FRK: variants seen among roughly 807,000 people sequenced by gnomAD.
FRK encodes tyrosine-protein kinase FRK.
Under a neutral mutation model 56.4 loss-of-function variants are expected in FRK, and 51 were observed. That is an observed-to-expected ratio of 0.90 (90% CI 0.72 to 1.14). The LOEUF (loss-of-function observed/expected upper bound fraction) is 1.14. Among genes scored for constraint, FRK ranks in the 50% most tolerant of loss-of-function variants. The pLI, the probability that FRK is intolerant of heterozygous loss-of-function variation, is 0.00. For synonymous variants in FRK, 245 were observed against 217.9 expected (o/e 1.12, Z -1.10); for missense variants, 570 against 601.4 (o/e 0.95, Z 0.55).
the FRK span, among the ~76,000 whole-genome samples, chr6:116,088,317 A>T: frequency 1.3e-5 from 2 of 152,156 alleles, no homozygotes; most frequent in Non-Finnish European, 2.9e-5. Context: ...AATTTTCTGC[A>T]AATAGTAATA....
At position 115,958,696 on chromosome 6, in the gene FRK, GAAAGAAAGAAGA is replaced by G. The variant is rs1773148490; in HGVS notation, c.800-2098_800-2087del. On this transcript the variant is annotated intron_variant, in intron 4 of 7. Coordinates refer to ENST00000606080, the MANE Select transcript of FRK (RefSeq NM_002031.3). Reference sequence around the variant, plus strand: ...AGAAAGAAAGAAAGAAAGAAAGAAAGAAAGAAAGAAGAAAGAAAGAAAGAAAGAAAGAAAGAA... The same window carrying G: ...AGAAAGAAAGAAAGAAAGAAAGAAAGAAGAAAGAAAGAAAGAAAGAAAGAA... 1.0e-3 allele frequency among the ~76,000 whole-genome samples: 8 copies of G among 7,876 alleles called. 1 individual carries two copies. Among genetic ancestry groups the G allele is most frequent in the African/African-American group, 2.8e-3 (5 of 1,768 alleles). The allele number at this position is 7,876 out of a possible 152,430, so 5.2% of individuals were successfully genotyped here.
intron 2 of FRK, among the ~76,000 whole-genome samples, chr6:115,976,924 T>C (rs552614075): frequency 2.0e-5 from 3 of 152,266 alleles, no homozygotes; most frequent in African/African-American, 7.2e-5. Context: ...TATTTTCTAC[T>C]CCTTACAGAG....
chr6:115,944,396 G>T lies in FRK; in HGVS notation c.988C>A (p.Gln330Lys). 6.2e-7 allele frequency: 1 copy of T among 1,608,428 alleles called. No homozygotes were observed. Residue 330 changes from glutamine to lysine, a missense_variant, in exon 6 of 8, where the codon CAA becomes AAA. Coordinates refer to ENST00000606080, the MANE Select transcript of FRK (RefSeq NM_002031.3). ...ACCTGTGCCGCCATGTCTACCTGTT[G>T]AGTCAGATGGATTTTTGATCCAGTG... ...NDTGSKIHLT[Q>K]QVDMAAQVAS...
the FRK span, among the ~76,000 whole-genome samples, chr6:116,069,480 C>T: frequency 2.6e-5 from 4 of 151,924 alleles, no homozygotes; most frequent in Admixed American, 1.3e-4. Context: ...ATTTTTAAAG[C>T]TTTCATTTGG....
At chr6:116,058,361 T>C (rs1777474008) in intron 1 of FRK, among the ~76,000 whole-genome samples, 1 of 152,224 alleles carries the variant, frequency 6.6e-6, no homozygotes, top group Non-Finnish European at 1.5e-5. Context: ...TTCATTTCTA[T>C]TTAAGCATAA....
At chr6:116,078,166 T>G in the FRK span, among the ~76,000 whole-genome samples, 2 of 152,190 alleles carry the variant, frequency 1.3e-5, no homozygotes, top group African/African-American at 4.8e-5. Flanking sequence ...ATTTCATAAA[T>G]AAATAAATAA....
chr6:116,066,916 C>T, the FRK span, among the ~76,000 whole-genome samples: 3 of 152,198 alleles, frequency 2.0e-5, no homozygotes, highest in Non-Finnish European at 2.9e-5. Flanking sequence ...TCTCTCTTAG[C>T]ATGTCTCATG....
chr6:116,073,248 G>T, the FRK span, among the ~76,000 whole-genome samples: 2 of 152,116 alleles, frequency 1.3e-5, no homozygotes, highest in Non-Finnish European at 2.9e-5. Flanking sequence ...TTCAAAATGT[G>T]TCTTATCAGC....
chr6:115,975,885 C>T (rs191439964), intron 2 of FRK, among the ~76,000 whole-genome samples: 147 of 152,096 alleles, frequency 9.7e-4, no homozygotes, highest in African/African-American at 3.3e-3. Flanking sequence ...ATTGTGGAGA[C>T]GTGGGTAAGT....
At chr6:115,981,533 G>T (rs983224677) in intron 2 of FRK, among the ~76,000 whole-genome samples, 5 of 151,980 alleles carry the variant, frequency 3.3e-5, no homozygotes, top group African/African-American at 1.2e-4. Context: ...CTTTCTGAGG[G>T]AAATCTTTCC....
intron 1 of FRK, among the ~76,000 whole-genome samples, chr6:116,004,316 C>A (rs1394834076): frequency 6.6e-6 from 1 of 152,126 alleles, no homozygotes; most frequent in Non-Finnish European, 1.5e-5. Context: ...TGTCTGCCTG[C>A]CATGTATGTC....
chr6:115,968,420 G>T (rs1170697336), intron 3 of FRK, among the ~76,000 whole-genome samples, 156 bp downstream of exon 3: 3 of 152,126 alleles, frequency 2.0e-5, no homozygotes, highest in Non-Finnish European at 4.4e-5. Context: ...ACAAGCATAC[G>T]TCAGTGTGAG....
intron 2 of FRK, among the ~76,000 whole-genome samples, chr6:115,988,494 G>C (rs983649086): frequency 6.6e-6 from 1 of 151,952 alleles, no homozygotes; most frequent in African/African-American, 2.4e-5. Context: ...ACTAAAATCA[G>C]ATATTCTTCT....
intron 1 of FRK, among the ~76,000 whole-genome samples, chr6:116,011,082 G>A (rs976675213): frequency 3.1e-5 from 4 of 129,684 alleles, no homozygotes; most frequent in African/African-American, 1.1e-4. Context: ...GAAAAAGGCA[G>A]TGAGCCTTAA....
chr6:115,981,176 G>A (rs528820003), intron 2 of FRK, among the ~76,000 whole-genome samples: 4 of 152,036 alleles, frequency 2.6e-5, no homozygotes, highest in Non-Finnish European at 2.9e-5. Context: ...TTGAAGCTTC[G>A]AATTATGAGA....
At chr6:116,022,255 T>G (rs1435888893) in intron 1 of FRK, among the ~76,000 whole-genome samples, 2 of 152,076 alleles carry the variant, frequency 1.3e-5, no homozygotes, top group Non-Finnish European at 2.9e-5. Flanking sequence ...GAAGAAATAA[T>G]GTCAGTTTTA....
chr6:116,094,781 G>C, the FRK span, among the ~76,000 whole-genome samples: 1 of 152,140 alleles, frequency 6.6e-6, no homozygotes, highest in African/African-American at 2.4e-5. Flanking sequence ...GAGAAGAAGA[G>C]AGGGGAAGAG....
At chr6:116,036,269 G>A (rs544314332) in intron 1 of FRK, among the ~76,000 whole-genome samples, 2 of 152,248 alleles carry the variant, frequency 1.3e-5, no homozygotes, top group South Asian at 4.1e-4. Context: ...TTTCAGCAGT[G>A]TCTGATATCT....
chr6:116,010,058 T>A (rs1775404271), intron 1 of FRK, among the ~76,000 whole-genome samples: 1 of 152,000 alleles, frequency 6.6e-6, no homozygotes, highest in South Asian at 2.1e-4. Flanking sequence ...AAACCCCATC[T>A]CTACTAAAAA....
Sources: allele counts gnomAD v4.1 joint callset (sites outside exome capture counted in the v4.1 genomes callset), GRCh38; gene constraint gnomAD v4.1.1; transcripts MANE v1.5; gene names NCBI Gene and HGNC (gene_info 2026-07-23, HGNC 2026-07-21).